The following PARD3B variants were observed in gnomAD, a reference collection of about 807,000 sequenced individuals.
PARD3B encodes the protein par-3 family cell polarity regulator beta, also known as partitioning defective 3 homolog B.
In PARD3B, 103 loss-of-function variants were observed where a neutral mutation model predicts 130.2. The observed-to-expected ratio is 0.79, with a 90% confidence interval of 0.67 to 0.93. The LOEUF is 0.93. PARD3B is among the 40% of genes least tolerant of loss of function. The pLI, the probability that PARD3B is intolerant of heterozygous loss-of-function variation, is 0.00. For missense variants in PARD3B, 1,609 were observed against 1,499.2 expected (o/e 1.07, Z -1.21); for synonymous variants, 583 against 553.2 (o/e 1.05, Z -0.76).
chr2:205,118,879 T>C (rs1279759829), intron 6 of PARD3B, 42 bp from the exon 7 acceptor site: 1 of 1,314,506 alleles, frequency 7.6e-7, no homozygotes, highest in Non-Finnish European at 1.0e-6. Context: ...AATTAGCATT[T>C]ATTATTCAGT....
At chr2:204,698,397 A>C (rs2037718737) in intron 2 of PARD3B, among the ~76,000 whole-genome samples, 1 of 152,142 alleles carries the variant, frequency 6.6e-6, no homozygotes, top group Admixed American at 6.6e-5. Flanking sequence ...AGAATTACAC[A>C]TCTTAAAATC....
chr2:204,906,223 T>G lies in PARD3B; in HGVS notation c.223-58929T>G, dbSNP rs1055988838. On this transcript the variant is annotated intron_variant, in intron 2 of 22. Transcript: ENST00000406610. The surrounding 1 kb of genome is among the most constrained non-coding windows in gnomAD (Gnocchi z 4.3). ...GTCATGGTAACTATTTGTCAAAAAG[T>G]AAAATGAACCCAGCTCTCTCTGTAT... 1.3e-5 allele frequency among the ~76,000 whole-genome samples: 2 copies of G among 152,182 alleles called. No individual in the cohort carries two copies. The highest frequency in any genetic ancestry group is 4.8e-5 in the African/African-American group (2 of 41,446).
chr2:204,738,372 G>A (rs76841551), intron 2 of PARD3B, among the ~76,000 whole-genome samples: 3,676 of 152,088 alleles, frequency 0.024, 115 homozygotes, highest in African/African-American at 0.082. Flanking sequence ...TCTCAGCTAG[G>A]TCACTGTTGG....
intron 22 of PARD3B, among the ~76,000 whole-genome samples, chr2:205,608,344 A>G (rs1295070551): frequency 2.0e-5 from 3 of 152,208 alleles, no homozygotes; most frequent in African/African-American, 7.2e-5. Flanking sequence ...CTGAAATTCT[A>G]GGACCACAGT....
At chr2:205,559,263 G>C (rs2053034754) in intron 22 of PARD3B, among the ~76,000 whole-genome samples, 2 of 152,128 alleles carry the variant, frequency 1.3e-5, no homozygotes, top group African/African-American at 4.8e-5. Context: ...TCCATCCTCA[G>C]CCTCCAGAGT....
At chr2:204,645,414 A>C (rs914724799) in intron 1 of PARD3B, among the ~76,000 whole-genome samples, 5 of 152,118 alleles carry the variant, frequency 3.3e-5, no homozygotes, top group African/African-American at 1.2e-4. Context: ...AAATTAATAC[A>C]TTTTTATTTT....
At chr2:204,652,785 G>A (rs1375798278) in intron 1 of PARD3B, among the ~76,000 whole-genome samples, 1 of 145,496 alleles carries the variant, frequency 6.9e-6, no homozygotes. Context: ...TAACAAGGAA[G>A]CATGAATGGG....
chr2:204,934,980 T>C (rs1451218718), intron 2 of PARD3B, among the ~76,000 whole-genome samples: 1 of 152,172 alleles, frequency 6.6e-6, no homozygotes, highest in Non-Finnish European at 1.5e-5. Context: ...TGGTGACTGA[T>C]AGATCTTATT....
intron 4 of PARD3B, among the ~76,000 whole-genome samples, chr2:205,075,727 A>G (rs955501454): frequency 1.3e-4 from 19 of 151,514 alleles, no homozygotes; most frequent in African/African-American, 4.3e-4. Context: ...TTTTTCTGAT[A>G]CAATCATGAA....
At chr2:205,075,879 A>G (rs1265446723) in intron 4 of PARD3B, among the ~76,000 whole-genome samples, 2 of 152,128 alleles carry the variant, frequency 1.3e-5, no homozygotes, top group Non-Finnish European at 2.9e-5. Flanking sequence ...CAAACTGATA[A>G]AACTAATATT....
chr2:204,570,045 A>G (rs1215943685), intron 1 of PARD3B, among the ~76,000 whole-genome samples: 2 of 152,196 alleles, frequency 1.3e-5, no homozygotes, highest in Non-Finnish European at 2.9e-5. Context: ...AATGGTTCCA[A>G]TGACTGGAGG....
Position 204,891,806 on chromosome 2 carries a change from G to A in PARD3B, c.223-73346G>A, listed in dbSNP as rs544169956. 2.6e-5 allele frequency among the ~76,000 whole-genome samples: 4 copies of A among 152,208 alleles called. No individual in the cohort carries two copies. The East Asian group carries it at 7.8e-4, about 30-fold the overall frequency. On this transcript the variant is annotated intron_variant, in intron 2 of 22. Coordinates refer to ENST00000406610, the MANE Select transcript of PARD3B (RefSeq NM_001302769.2). ...CTATCCTTTGGCTCTCAGTAGTTAG[G>A]AGTATTTTCCCCTGGGCAGTTCTAG...
intron 3 of PARD3B, among the ~76,000 whole-genome samples, chr2:204,984,918 C>T (rs1193872072): frequency 6.6e-6 from 1 of 151,408 alleles, no homozygotes; most frequent in African/African-American, 2.4e-5. Context: ...CACCCCCCCG[C>T]ACCCCACCCC....
chr2:204,876,194 C>G (rs2045837671), intron 2 of PARD3B, among the ~76,000 whole-genome samples: 1 of 152,212 alleles, frequency 6.6e-6, no homozygotes, highest in African/African-American at 2.4e-5. Context: ...TCAGTACTCA[C>G]ATTGAAAACA....
chr2:204,857,749 G>A (rs894908573), intron 2 of PARD3B, among the ~76,000 whole-genome samples: 11 of 152,110 alleles, frequency 7.2e-5, no homozygotes. Flanking sequence ...CACTTCTGGG[G>A]AGAAAGTCAG....
intron 1 of PARD3B, among the ~76,000 whole-genome samples, chr2:204,680,389 T>C (rs1337597973): frequency 1.3e-5 from 2 of 152,078 alleles, no homozygotes; most frequent in East Asian, 3.9e-4. Context: ...TCAGTATCTG[T>C]AGGATCTATA....
In PARD3B at chr2:205,158,202, A is replaced by G. The variant is rs1316109203; in HGVS notation, c.1435-520A>G. 1.3e-5 allele frequency among the ~76,000 whole-genome samples: 2 copies of G among 152,174 alleles called. No homozygotes were observed. The highest frequency in any genetic ancestry group is 2.9e-5 in the Non-Finnish European group (2 of 68,020). ...TAACATCTCATTTTTACTGTGTCTT[A>G]TTAACAAACTTTACCAATAGTGTTG... On this transcript the variant is annotated intron_variant, in intron 10 of 22. Transcript: ENST00000406610. This position sits in a 1 kb window ranked among gnomAD's most constrained non-coding sequence, Gnocchi z 5.4.
At chr2:204,583,351 C>G (rs2032662581) in intron 1 of PARD3B, among the ~76,000 whole-genome samples, 1 of 103,334 alleles carries the variant, frequency 9.7e-6, no homozygotes, top group African/African-American at 3.7e-5. Context: ...TGGAAACCAT[C>G]ATTCTCAGTA....
Position 205,446,235 on chromosome 2 carries a change from G to A in PARD3B, c.3044+5563G>A, listed in dbSNP as rs2047902316. Reference sequence around the variant, plus strand: ...CAAAGGCAGATGAGAGAGGTTGGCCGGCCTTGACGAAGAGTTTGGACTCTA... The same window carrying A: ...CAAAGGCAGATGAGAGAGGTTGGCCAGCCTTGACGAAGAGTTTGGACTCTA... On this transcript the variant is annotated intron_variant, in intron 20 of 22. Transcript: ENST00000406610. This position sits in a 1 kb window ranked among gnomAD's most constrained non-coding sequence, Gnocchi z 4.4. 1.3e-5 allele frequency among the ~76,000 whole-genome samples: 2 copies of A among 152,080 alleles called. No homozygotes were observed. The highest frequency in any genetic ancestry group is 6.5e-5 in the Admixed American group (1 of 15,270).
Sources: gnomAD v4.1 joint callset for allele counts (sites outside exome capture counted in the v4.1 genomes callset) on GRCh38, gnomAD v4.1.1 for gene constraint, Gnocchi (gnomAD v3.1) non-coding constraint, MANE v1.5 for transcripts, NCBI Gene and HGNC (gene_info 2026-07-23, HGNC 2026-07-21) for gene names.